The following LRRC4C variants were observed in gnomAD, a reference collection of about 807,000 sequenced individuals.
LRRC4C encodes the protein leucine rich repeat containing 4C, also known as leucine-rich repeat-containing protein 4C.
A neutral mutation model predicts 33.6 loss-of-function variants in LRRC4C; 5 were observed. The ratio of observed to expected loss-of-function variants is 0.15; its 90% CI spans 0.08 to 0.31. The LOEUF (loss-of-function observed/expected upper bound fraction) is 0.31, where lower values mean the gene tolerates loss of function less well. Ranked by LOEUF, LRRC4C falls within the 10% of genes least tolerant of loss-of-function variation. The pLI, the probability that LRRC4C is intolerant of heterozygous loss-of-function variation, is 1.00. For missense variants in LRRC4C, 560 were observed against 796.7 expected (o/e 0.70, Z 3.58); for synonymous variants, 329 against 302.0 (o/e 1.09, Z -0.93).
intron 2 of LRRC4C, among the ~76,000 whole-genome samples, chr11:40,865,462 A>G (rs1185783767): frequency 1.3e-5 from 2 of 151,878 alleles, no homozygotes; most frequent in African/African-American, 2.4e-5. Flanking sequence ...TGATGACTAT[A>G]TGAGGCAAGG....
chr11:40,658,835 C>G (rs151326055), intron 2 of LRRC4C, among the ~76,000 whole-genome samples: 1 of 152,144 alleles, frequency 6.6e-6, no homozygotes, highest in Non-Finnish European at 1.5e-5. Flanking sequence ...CTTTCCCTTA[C>G]AAGAATGTGG....
At chr11:41,254,347 G>C (rs925658300) in intron 1 of LRRC4C, among the ~76,000 whole-genome samples, 4 of 151,980 alleles carry the variant, frequency 2.6e-5, no homozygotes, top group African/African-American at 9.7e-5. Context: ...TCAGTACTGA[G>C]TTTGACATAT....
chr11:40,325,744 T>A (rs1266858121), intron 3 of LRRC4C, among the ~76,000 whole-genome samples: 1 of 152,126 alleles, frequency 6.6e-6, no homozygotes, highest in Non-Finnish European at 1.5e-5. Context: ...CAGCTAATGA[T>A]CATAGCAAAT....
intron 3 of LRRC4C, among the ~76,000 whole-genome samples, chr11:40,585,921 C>T (rs1394072006): frequency 1.1e-4 from 15 of 136,658 alleles, no homozygotes; most frequent in East Asian, 2.1e-4. Context: ...TGAATAATGC[C>T]GCAATAAACA....
chr11:40,932,690 T>C (rs1481947857), intron 2 of LRRC4C, among the ~76,000 whole-genome samples: 2 of 152,118 alleles, frequency 1.3e-5, no homozygotes, highest in African/African-American at 4.8e-5. Flanking sequence ...AGAAGAAAAA[T>C]TCGGTGCTGT....
intron 1 of LRRC4C, among the ~76,000 whole-genome samples, chr11:41,338,227 T>C (rs1190483072): frequency 6.6e-6 from 1 of 152,182 alleles, no homozygotes; most frequent in East Asian, 1.9e-4. Flanking sequence ...CATTCTACTA[T>C]AAAGATACAT....
intron 1 of LRRC4C, among the ~76,000 whole-genome samples, chr11:41,102,818 G>A (rs1425647759): frequency 6.6e-6 from 1 of 152,054 alleles, no homozygotes; most frequent in Non-Finnish European, 1.5e-5. Context: ...CATAAGTTAA[G>A]GCATAGGAAC....
At chr11:41,326,090 A>G (rs1464184468) in intron 1 of LRRC4C, among the ~76,000 whole-genome samples, 2 of 150,410 alleles carry the variant, frequency 1.3e-5, no homozygotes, top group East Asian at 3.9e-4. Context: ...CATTTGAGTC[A>G]GTGGAATGGG....
At chr11:40,754,038 TA>T (rs1188863966) in intron 2 of LRRC4C, among the ~76,000 whole-genome samples, 2 of 152,042 alleles carry the variant, frequency 1.3e-5, no homozygotes, top group Non-Finnish European at 2.9e-5. Flanking sequence ...CTTATTCATT[TA>T]AAAATACCAC....
chr11:40,541,091 A>G (rs1048353480), intron 3 of LRRC4C, among the ~76,000 whole-genome samples: 6 of 152,198 alleles, frequency 3.9e-5, no homozygotes, highest in African/African-American at 1.4e-4. Flanking sequence ...AGGCACACAA[A>G]AAAACTTAAA....
intron 2 of LRRC4C, among the ~76,000 whole-genome samples, chr11:40,651,213 G>A (rs903859072): frequency 6.6e-6 from 1 of 152,148 alleles, no homozygotes; most frequent in Non-Finnish European, 1.5e-5. Flanking sequence ...GTTTTGATCA[G>A]TGTCATTCTG....
chr11:41,207,139 A>G (rs1449897443), intron 1 of LRRC4C, among the ~76,000 whole-genome samples: 1 of 152,176 alleles, frequency 6.6e-6, no homozygotes, highest in Non-Finnish European at 1.5e-5. Flanking sequence ...TTATTGTTTC[A>G]GTCAAAGGAG....
intron 3 of LRRC4C, among the ~76,000 whole-genome samples, chr11:40,332,921 T>C (rs1424064571): frequency 6.6e-6 from 1 of 152,214 alleles, no homozygotes; most frequent in Non-Finnish European, 1.5e-5. Flanking sequence ...TAACATTTGT[T>C]TGTTTCTCTC....
chr11:41,209,719 G>A (rs559893805), intron 1 of LRRC4C, among the ~76,000 whole-genome samples: 152 of 152,030 alleles, frequency 1.0e-3, no homozygotes, highest in Non-Finnish European at 1.7e-3. Flanking sequence ...AAGACTTTTT[G>A]GACTGTTGGG....
At chr11:41,295,007 TACAC>T (rs1950097520) in intron 1 of LRRC4C, among the ~76,000 whole-genome samples, 1 of 152,192 alleles carries the variant, frequency 6.6e-6, no homozygotes, top group African/African-American at 2.4e-5. Flanking sequence ...ATAGTACACT[TACAC>T]ACGGTTGTTA....
intron 1 of LRRC4C, among the ~76,000 whole-genome samples, chr11:41,047,286 A>G (rs1023536981): frequency 5.3e-5 from 8 of 152,150 alleles, no homozygotes; most frequent in Admixed American, 2.0e-4. Flanking sequence ...AATTCCAATC[A>G]AAACCACAAG....
intron 3 of LRRC4C, among the ~76,000 whole-genome samples, chr11:40,550,443 A>G (rs1957088452): frequency 6.6e-6 from 1 of 150,840 alleles, no homozygotes; most frequent in Non-Finnish European, 1.5e-5. Context: ...GATCTTTCCT[A>G]AGAAAAGAAA....
intron 3 of LRRC4C, among the ~76,000 whole-genome samples, chr11:40,344,511 A>G (rs1417080798): frequency 6.6e-6 from 1 of 152,138 alleles, no homozygotes; most frequent in Non-Finnish European, 1.5e-5. Flanking sequence ...CTCCAAAATA[A>G]TAAGAGCCCT....
At chr11:40,478,878 C>T (rs1289031690) in intron 3 of LRRC4C, among the ~76,000 whole-genome samples, 1 of 152,072 alleles carries the variant, frequency 6.6e-6, no homozygotes, top group African/African-American at 2.4e-5. Context: ...TTTTGAAATA[C>T]TAATAAAGCT....
Sources: gnomAD v4.1 joint callset for allele counts (sites outside exome capture counted in the v4.1 genomes callset) on GRCh38, gnomAD v4.1.1 for gene constraint, MANE v1.5 for transcripts, NCBI Gene and HGNC (gene_info 2026-07-23, HGNC 2026-07-21) for gene names.